SYT6: variants seen among roughly 807,000 people sequenced by gnomAD.
The protein encoded by SYT6 is synaptotagmin 6.
SYT6 carries 24 observed loss-of-function variants against 38.4 expected under a neutral mutation model. The observed-to-expected ratio is 0.62, with a 90% CI of 0.45 to 0.88. The LOEUF is 0.88. Ranked by LOEUF, SYT6 falls within the 40% of genes least tolerant of loss-of-function variation. The pLI is 0.00. For synonymous variants in SYT6, 265 were observed against 241.9 expected (o/e 1.10, Z -0.89); for missense variants, 611 against 621.0 (o/e 0.98, Z 0.17).
Position 114,092,039 on chromosome 1 carries a change from G to T in SYT6, c.*95C>A. Reference sequence around the variant, plus strand: ...TGGTGTTGGAGGTGGTTTCGGAGATGGGCACGAGCTCTCACTGTCGAAGCT... The same window carrying T: ...TGGTGTTGGAGGTGGTTTCGGAGATTGGCACGAGCTCTCACTGTCGAAGCT... On this transcript the variant is annotated 3_prime_UTR_variant, in exon 8 of 8. Transcript: ENST00000610222. 6.5e-7 allele frequency: 1 copy of T among 1,536,270 alleles called. No individual in the cohort carries two copies. The highest frequency in any genetic ancestry group is 1.4e-5 in the African/African-American group (1 of 73,170).
chr1:114,125,951 A>G (rs1166641911), intron 3 of SYT6, among the ~76,000 whole-genome samples: 1 of 152,096 alleles, frequency 6.6e-6, no homozygotes, highest in Non-Finnish European at 1.5e-5. Flanking sequence ...TTGACATTTA[A>G]TGCCTTTAAC....
At chr1:114,132,052 T>C (rs1678189882) in intron 3 of SYT6, among the ~76,000 whole-genome samples, 2 of 152,214 alleles carry the variant, frequency 1.3e-5, no homozygotes, top group African/African-American at 4.8e-5. Flanking sequence ...TGGGTGACAA[T>C]GGGTAAGTCA....
rs151084905 is a variant in SYT6 at position 114,137,958 on chromosome 1, C to T, written c.608G>A (p.Ser203Asn). 1.5e-4 allele frequency: 240 copies of T among 1,614,062 alleles called. No individual in the cohort carries two copies. The highest frequency in any genetic ancestry group is 2.0e-4 in the Non-Finnish European group (233 of 1,180,026). The change falls in exon 3 of 8, where the codon AGC (serine) becomes AAC (asparagine). Residue 203 changes from serine (S) to asparagine (N), a missense_variant. Physicochemically the swap from Ser to Asn is conservative, Grantham distance 46 (BLOSUM62 1). Coordinates refer to ENST00000610222, the MANE Select transcript of SYT6 (RefSeq NM_001253772.2). Reference sequence around the variant, plus strand: ...GAGCTCAGGCTTGATGCGGCCAATGCTGGTGGGCTGCTCTGCTGCTGGTGG... The same window carrying T: ...GAGCTCAGGCTTGATGCGGCCAATGTTGGTGGGCTGCTCTGCTGCTGGTGG... ...ELPPAAEQPT[S>N]IGRIKPELYK...
At chr1:114,104,151 AAGACACATGCTCT>A in intron 3 of SYT6, among the ~76,000 whole-genome samples, 1 of 152,296 alleles carries the variant, frequency 6.6e-6, no homozygotes, top group South Asian at 2.1e-4. Flanking sequence ...TGTCCTGGAC[AAGACACATGCTCT>A]AGACTTCAGC....
intron 3 of SYT6, among the ~76,000 whole-genome samples, chr1:114,120,489 G>C (rs1044397880): frequency 2.6e-5 from 4 of 152,060 alleles, no homozygotes; most frequent in Admixed American, 2.0e-4. Flanking sequence ...TTATTTTTTT[G>C]CTACTCTTTA....
chr1:114,095,188 A>G (rs368131512), intron 6 of SYT6, among the ~76,000 whole-genome samples: 1 of 152,250 alleles, frequency 6.6e-6, no homozygotes, highest in East Asian at 1.9e-4. Flanking sequence ...AAGGATATCA[A>G]TTTATTCTCT....
intron 3 of SYT6, among the ~76,000 whole-genome samples, chr1:114,133,419 G>A (rs572515014): frequency 1.3e-5 from 2 of 152,264 alleles, no homozygotes; most frequent in Non-Finnish European, 1.5e-5. Flanking sequence ...CCCGGGTGAC[G>A]GCAGCTCTAT....
intron 3 of SYT6, among the ~76,000 whole-genome samples, chr1:114,123,568 T>A (rs1350939094): frequency 6.6e-6 from 1 of 152,208 alleles, no homozygotes; most frequent in East Asian, 1.9e-4. Context: ...CCAGGGTGGC[T>A]GAAGCTGGAC....
At chr1:114,132,115 G>T (rs1379517627) in intron 3 of SYT6, among the ~76,000 whole-genome samples, 2 of 152,200 alleles carry the variant, frequency 1.3e-5, no homozygotes, top group East Asian at 3.8e-4. Context: ...GACCATAAGT[G>T]TTGTGGTGAG....
chr1:114,093,611 C>T lies in SYT6; in HGVS notation c.*51+124G>A, dbSNP rs144796081. On this transcript the variant is annotated intron_variant, in intron 7 of 7. Transcript: ENST00000610222. ...CAGAACCCGAAACCAGGTCTCCTAACACCCAACCAAGTGTTCTTTCCACTC... is the reference window on the plus strand; with the variant it reads ...CAGAACCCGAAACCAGGTCTCCTAATACCCAACCAAGTGTTCTTTCCACTC... 1,497 of 860,192 alleles carry T rather than the reference C, an allele frequency of 1.7e-3. 1 individual carries two copies. Among genetic ancestry groups the T allele is most frequent in the Non-Finnish European group, 2.3e-3 (1,280 of 567,654 alleles). 53.3% of individuals were successfully genotyped at this position (860,192 alleles called of 1,614,324 possible).
chr1:114,094,057 A>G (rs1469496902), intron 6 of SYT6, among the ~76,000 whole-genome samples: 1 of 152,200 alleles, frequency 6.6e-6, no homozygotes, highest in East Asian at 1.9e-4. Context: ...AGAGGAGAAA[A>G]CATAAAAGGA....
intron 1 of SYT6, among the ~76,000 whole-genome samples, chr1:114,144,935 C>G (rs746744677): frequency 5.9e-5 from 9 of 152,040 alleles, no homozygotes; most frequent in African/African-American, 9.7e-5. Flanking sequence ...CCTACCACCA[C>G]CCCCTTCCCA....
chr1:114,108,904 C>G (rs188453865), intron 3 of SYT6, among the ~76,000 whole-genome samples: 2 of 152,296 alleles, frequency 1.3e-5, no homozygotes, highest in East Asian at 3.9e-4. Context: ...TCATCATCAG[C>G]AGAGAAGCAT....
At chr1:114,121,289 C>T (rs1390872302) in intron 3 of SYT6, among the ~76,000 whole-genome samples, 5 of 152,182 alleles carry the variant, frequency 3.3e-5, no homozygotes, top group Non-Finnish European at 7.4e-5. Flanking sequence ...CTCACTATCC[C>T]TCCTTGGAGC....
intron 6 of SYT6, among the ~76,000 whole-genome samples, chr1:114,096,882 TTG>T (rs1557728906): frequency 6.6e-6 from 1 of 152,028 alleles, no homozygotes; most frequent in East Asian, 1.9e-4. Context: ...GTATGAGATA[TTG>T]TGAGTGAGGT....
intron 1 of SYT6, among the ~76,000 whole-genome samples, chr1:114,143,389 G>A (rs2629827): frequency 0.2 from 30,025 of 148,078 alleles, 3,381 homozygotes; most frequent in South Asian, 0.33. Flanking sequence ...TAGTATAAAA[G>A]TAGTATAGTA....
intron 1 of SYT6, among the ~76,000 whole-genome samples, chr1:114,142,701 A>C (rs964323536): frequency 1.3e-5 from 2 of 152,204 alleles, no homozygotes; most frequent in African/African-American, 4.8e-5. Flanking sequence ...GTCTTATTTT[A>C]AGAAATTGCC....
chr1:114,145,094 G>T (rs1346361185), intron 1 of SYT6, among the ~76,000 whole-genome samples: 2 of 152,070 alleles, frequency 1.3e-5, no homozygotes, highest in South Asian at 2.1e-4. Context: ...CCAATGTGGT[G>T]GTGTCTCCAA....
intron 3 of SYT6, among the ~76,000 whole-genome samples, chr1:114,134,192 C>T (rs560028975): frequency 2.6e-5 from 4 of 152,128 alleles, no homozygotes; most frequent in Non-Finnish European, 5.9e-5. Context: ...GGGCTGGTTA[C>T]CCCAGACACA....
Sources: allele counts gnomAD v4.1 joint callset (sites outside exome capture counted in the v4.1 genomes callset), GRCh38; gene constraint gnomAD v4.1.1; transcripts MANE v1.5; gene names NCBI Gene and HGNC (gene_info 2026-07-23, HGNC 2026-07-21).